Variants in SLC24A2 observed in about 807,000 individuals in gnomAD.
The protein encoded by SLC24A2 is sodium/potassium/calcium exchanger 2.
SLC24A2 carries 36 observed loss-of-function variants against 62.0 expected under a neutral mutation model. That is an observed-to-expected ratio of 0.58 (90% confidence interval 0.44 to 0.77). The LOEUF (loss-of-function observed/expected upper bound fraction) is 0.77. Among genes scored for constraint, SLC24A2 ranks in the 30% least tolerant of loss-of-function variants. The probability of loss-of-function intolerance (pLI) is 0.00; values close to 1 mark genes in which losing one functional copy is unlikely to be tolerated. For missense variants in SLC24A2, 846 were observed against 817.9 expected (o/e 1.03, Z -0.42); for synonymous variants, 358 against 294.0 (o/e 1.22, Z -2.23).
the SLC24A2 span, among the ~76,000 whole-genome samples, chr9:20,043,450 G>T: frequency 6.6e-6 from 1 of 152,148 alleles, no homozygotes; most frequent in African/African-American, 2.4e-5. Context: ...TGATGGATCT[G>T]GACAAAGTAT....
intron 3 of SLC24A2, among the ~76,000 whole-genome samples, chr9:19,620,064 C>G (rs539063113): frequency 6.6e-6 from 1 of 152,290 alleles, no homozygotes; most frequent in East Asian, 1.9e-4. Flanking sequence ...GCCCAAGTCA[C>G]ACTGACAAGA....
chr9:19,586,056 T>A (rs1836361818), intron 5 of SLC24A2, among the ~76,000 whole-genome samples: 10 of 152,214 alleles, frequency 6.6e-5, no homozygotes, highest in Admixed American at 6.5e-4. Flanking sequence ...TCTCCACACT[T>A]CTTATCTGTC....
At chr9:19,915,148 T>C in the SLC24A2 span, among the ~76,000 whole-genome samples, 1 of 152,158 alleles carries the variant, frequency 6.6e-6, no homozygotes, top group Non-Finnish European at 1.5e-5. Context: ...TGAATTTACC[T>C]ATTTTGGATA....
the SLC24A2 span, among the ~76,000 whole-genome samples, chr9:20,195,723 T>C: frequency 2.0e-5 from 3 of 152,132 alleles, no homozygotes; most frequent in Non-Finnish European, 4.4e-5. Flanking sequence ...CCTCACTCTT[T>C]ATCATCTAAG....
chr9:19,764,652 C>T (rs1351661635), intron 2 of SLC24A2, among the ~76,000 whole-genome samples: 1 of 152,228 alleles, frequency 6.6e-6, no homozygotes, highest in African/African-American at 2.4e-5. Context: ...TTTGATTGCA[C>T]TGTAGTCAGA....
In SLC24A2 at chr9:19,612,281, C is replaced by T. The variant is rs1253675079; in HGVS notation, c.1078+7303G>A. On this transcript the variant is annotated intron_variant, in intron 4 of 10. Coordinates refer to ENST00000341998, the MANE Select transcript of SLC24A2 (RefSeq NM_020344.4). The stretch of plus-strand genomic sequence containing the variant: ...TTAGCATTTAACTGGCACTTATTCT[C>T]TGCCAGGCCTTGTTGTAAGTGCTTT... 3.3e-5 allele frequency among the ~76,000 whole-genome samples: 5 copies of T among 152,228 alleles called. No homozygotes were observed. The South Asian group carries it at 6.2e-4, about 19-fold the overall frequency.
chr9:19,833,479 C>G, the SLC24A2 span, among the ~76,000 whole-genome samples: 2 of 152,186 alleles, frequency 1.3e-5, no homozygotes, highest in East Asian at 1.9e-4. Context: ...TCGCTCATTG[C>G]TAGCACAGCA....
the SLC24A2 span, among the ~76,000 whole-genome samples, chr9:19,994,752 G>T: frequency 1.3e-5 from 2 of 152,132 alleles, no homozygotes; most frequent in Admixed American, 1.3e-4. Context: ...TCATGCACCG[G>T]TCCTCAACAA....
intron 4 of SLC24A2, among the ~76,000 whole-genome samples, chr9:19,613,146 C>G (rs967619859): frequency 1.3e-5 from 2 of 152,164 alleles, no homozygotes; most frequent in African/African-American, 4.8e-5. Context: ...ATATAGTAGA[C>G]CCTCACTTTT....
chr9:20,209,285 G>A, the SLC24A2 span, among the ~76,000 whole-genome samples: 1 of 152,162 alleles, frequency 6.6e-6, no homozygotes, highest in African/African-American at 2.4e-5. Context: ...CACAGTTTCT[G>A]TAATGAATCA....
At chr9:19,980,306 T>C in the SLC24A2 span, among the ~76,000 whole-genome samples, 1 of 152,176 alleles carries the variant, frequency 6.6e-6, no homozygotes, top group Non-Finnish European at 1.5e-5. Flanking sequence ...GGTCTCTGGA[T>C]CCACACTTGA....
the SLC24A2 span, among the ~76,000 whole-genome samples, chr9:20,133,716 C>T: frequency 6.6e-6 from 1 of 152,122 alleles, no homozygotes; most frequent in African/African-American, 2.4e-5. Context: ...ACTTACCCAA[C>T]TCTTAAAAGC....
the SLC24A2 span, among the ~76,000 whole-genome samples, chr9:19,967,083 A>G: frequency 2.0e-5 from 3 of 152,144 alleles, no homozygotes; most frequent in Non-Finnish European, 2.9e-5. Context: ...ATTAACATAT[A>G]TATTTACCAT....
chr9:19,727,398 C>T (rs1821202476), intron 2 of SLC24A2, among the ~76,000 whole-genome samples: 3 of 152,074 alleles, frequency 2.0e-5, no homozygotes, highest in South Asian at 2.1e-4. Context: ...TTTAATTCTC[C>T]CCACTATCTT....
the SLC24A2 span, among the ~76,000 whole-genome samples, chr9:19,851,006 TACATATATATATATATACA>T: frequency 4.5e-4 from 30 of 66,000 alleles, no homozygotes; most frequent in Non-Finnish European, 6.1e-4. Flanking sequence ...TATATACACA[TACATATATATATATATACA>T]TATTTTTTTT....
the SLC24A2 span, among the ~76,000 whole-genome samples, chr9:20,142,509 TGAAC>T: frequency 6.7e-6 from 1 of 148,310 alleles, no homozygotes. Flanking sequence ...AGGAAAGCAA[TGAAC>T]GATAAAGTTT....
chr9:19,918,170 G>GTGTA, the SLC24A2 span, among the ~76,000 whole-genome samples: 2 of 139,816 alleles, frequency 1.4e-5, no homozygotes, highest in Non-Finnish European at 3.2e-5. Flanking sequence ...GTGTGTGTGT[G>GTGTA]TATACATACA....
intron 2 of SLC24A2, among the ~76,000 whole-genome samples, chr9:19,771,611 G>C (rs1587301846): frequency 6.6e-6 from 1 of 152,196 alleles, no homozygotes; most frequent in East Asian, 1.9e-4. Flanking sequence ...CAGTTACTGT[G>C]TAGCTGACAC....
chr9:20,044,418 C>T, the SLC24A2 span, among the ~76,000 whole-genome samples: 167 of 152,240 alleles, frequency 1.1e-3, no homozygotes, highest in African/African-American at 3.7e-3. Context: ...ACAGGATCCC[C>T]GAACCACCAT....
Sources: gnomAD v4.1 joint callset for allele counts (sites outside exome capture counted in the v4.1 genomes callset) on GRCh38, gnomAD v4.1.1 for gene constraint, MANE v1.5 for transcripts, NCBI Gene and HGNC (gene_info 2026-07-23, HGNC 2026-07-21) for gene names.